MTAP: variants seen among roughly 807,000 people sequenced by gnomAD.
The protein encoded by MTAP is S-methyl-5'-thioadenosine phosphorylase.
Under a neutral mutation model 33.6 loss-of-function variants are expected in MTAP, and 33 were observed. The observed-to-expected ratio is 0.98, with a 90% CI of 0.74 to 1.31. MTAP has a LOEUF of 1.31. Among genes scored for constraint, MTAP ranks in the 40% most tolerant of loss-of-function variants. MTAP has a pLI of 0.00. For synonymous variants in MTAP, 148 were observed against 125.7 expected (o/e 1.18, Z -1.19); for missense variants, 367 against 360.0 (o/e 1.02, Z -0.16).
intron 1 of MTAP, among the ~76,000 whole-genome samples, chr9:21,872,195 C>A (rs1825947482): frequency 6.6e-6 from 1 of 152,152 alleles, no homozygotes; most frequent in Non-Finnish European, 1.5e-5. Context: ...CACCTGTAAT[C>A]CCAGCTACTC....
intron 4 of MTAP, among the ~76,000 whole-genome samples, chr9:21,836,000 C>A (rs1040338597): frequency 6.6e-6 from 1 of 152,078 alleles, no homozygotes; most frequent in South Asian, 2.1e-4. Flanking sequence ...TTGCTTCTCC[C>A]CCAGGGCTAC....
intron 1 of MTAP, among the ~76,000 whole-genome samples, chr9:21,898,870 A>G (rs1818340841): frequency 6.6e-6 from 1 of 152,306 alleles, no homozygotes; most frequent in African/African-American, 2.4e-5. Flanking sequence ...TGACCCAGCC[A>G]TCCCATTACT....
intron 4 of MTAP, among the ~76,000 whole-genome samples, chr9:21,837,480 G>A (rs1489779243): frequency 6.6e-6 from 1 of 152,196 alleles, no homozygotes; most frequent in East Asian, 1.9e-4. Flanking sequence ...GCTAATAGAG[G>A]AAGCAAGTTG....
At chr9:21,811,691 T>C (rs1824353415) in intron 1 of MTAP, 1 of 531,578 alleles carries the variant, frequency 1.9e-6, no homozygotes, top group Non-Finnish European at 3.9e-6. Context: ...CTGCTGGTAC[T>C]CAGACACCAG....
At chr9:21,880,512 T>A (rs1051792404) in intron 1 of MTAP, among the ~76,000 whole-genome samples, 12 of 152,096 alleles carry the variant, frequency 7.9e-5, no homozygotes, top group Admixed American at 7.9e-4. Flanking sequence ...ATCCTGTAGA[T>A]TCCACTAAAC....
Position 21,883,742 on chromosome 9 carries a change from C to T in MTAP, c.147+28872C>T, listed in dbSNP as rs192222150. 6.2e-4 allele frequency among the ~76,000 whole-genome samples: 93 copies of T among 150,824 alleles called. 1 individual carries two copies. The Middle Eastern group carries it at 0.01, about 17-fold the overall frequency. ...CCACAGGTGGTCTGGAGTTTCTGAG[C>T]AAACAATAGGGAACCCTCTAGTGTA... is the stretch of plus-strand genomic sequence containing the variant. On this transcript the variant is annotated intron_variant, in intron 1 of 1. Coordinates refer to the MTAP transcript ENST00000577563.
chr9:21,924,532 C>A (rs1818836679), intron 1 of MTAP, among the ~76,000 whole-genome samples: 1 of 152,220 alleles, frequency 6.6e-6, no homozygotes, highest in Non-Finnish European at 1.5e-5. Flanking sequence ...TAAGAAACAA[C>A]CCAGACCTTT....
In MTAP at chr9:21,818,317, C is replaced by CTTTTTTTTTTTTTTTTTTTTTTTTTT. The variant is rs35709813; in HGVS notation, c.347+117_347+142dup. 4 of 206,102 alleles carry CTTTTTTTTTTTTTTTTTTTTTTTTTT rather than the reference C, an allele frequency of 1.9e-5. 2 individuals carry two copies. Among genetic ancestry groups the CTTTTTTTTTTTTTTTTTTTTTTTTTT allele is most frequent in the Non-Finnish European group, 1.7e-5 (2 of 119,338 alleles). 12.8% of individuals were successfully genotyped at this position (206,102 alleles called of 1,614,324 possible). ...GAGGGCAGTGCCACAGACTCGCTTG[C>CTTTTTTTTTTTTTTTTTTTTTTTTTT]TTTTTTTTTTTTTTTTTTTTTTTTT... is the stretch of plus-strand genomic sequence containing the variant. On this transcript the variant is annotated intron_variant, in intron 4 of 7. Coordinates refer to ENST00000644715, the MANE Select transcript of MTAP (RefSeq NM_002451.4).
chr9:21,905,813 C>T (rs1035427829), intron 1 of MTAP, among the ~76,000 whole-genome samples: 2 of 152,112 alleles, frequency 1.3e-5, no homozygotes, highest in Non-Finnish European at 1.5e-5. Flanking sequence ...TACACAGAAC[C>T]AGATCATTTG....
At chr9:21,807,939 T>A (rs1824248657) in intron 1 of MTAP, among the ~76,000 whole-genome samples, 1 of 152,230 alleles carries the variant, frequency 6.6e-6, no homozygotes, top group Non-Finnish European at 1.5e-5. Flanking sequence ...ATGCAGTGGA[T>A]TCTGGATCCT....
chr9:21,901,230 A>G (rs1818388124), intron 1 of MTAP, among the ~76,000 whole-genome samples: 1 of 152,240 alleles, frequency 6.6e-6, no homozygotes, highest in South Asian at 2.1e-4. Context: ...AGACAACCTA[A>G]ATAAAGAGAG....
intron 5 of MTAP, among the ~76,000 whole-genome samples, chr9:21,850,911 C>T (rs781214183): frequency 1.3e-5 from 2 of 152,208 alleles, no homozygotes; most frequent in African/African-American, 4.8e-5. Context: ...TCCTTGCCAC[C>T]TGGACACTTT....
chr9:21,833,511 C>G (rs1449013896), intron 4 of MTAP, among the ~76,000 whole-genome samples: 1 of 152,200 alleles, frequency 6.6e-6, no homozygotes, highest in East Asian at 1.9e-4. Context: ...TGTTCCACTT[C>G]TTAGTCTGAT....
intron 1 of MTAP, among the ~76,000 whole-genome samples, chr9:21,899,446 A>AAAGG (rs1818352715): frequency 6.6e-6 from 1 of 151,730 alleles, no homozygotes; most frequent in South Asian, 2.1e-4. Flanking sequence ...GAAGGAAAGG[A>AAAGG]AAGGAAGGAA....
chr9:21,856,047 CTCT>C, intron 6 of MTAP: 1 of 459,674 alleles, frequency 2.2e-6, no homozygotes, highest in Non-Finnish European at 2.9e-6. Flanking sequence ...TAATGATTAC[CTCT>C]TGTCTCTTTT....
intron 7 of MTAP, chr9:21,859,994 A>C (rs1486819435): frequency 6.6e-6 from 1 of 152,208 alleles, no homozygotes; most frequent in African/African-American, 2.4e-5. Flanking sequence ...CTTCTTAACC[A>C]CATAGGGAAA....
chr9:21,852,957 T>G (rs534336845), intron 5 of MTAP, among the ~76,000 whole-genome samples: 2 of 152,166 alleles, frequency 1.3e-5, no homozygotes, highest in Non-Finnish European at 2.9e-5. Flanking sequence ...GTTCAGTGAT[T>G]ACACGAGGTA....
rs957617378 is a variant in MTAP, at chr9:21,911,036, G to T, written c.148-19972G>T. ...ACAAAGATCAAAAGAGACAAAGAAG[G>T]CCATTACATAATGGTAAAGGGATCA... On this transcript the variant is annotated intron_variant, in intron 1 of 1. Coordinates refer to the MTAP transcript ENST00000577563. Among the ~76,000 whole-genome samples the T allele has an allele frequency of 2.0e-5, 3 of 152,138 alleles. No homozygotes were observed. The East Asian group carries it at 5.8e-4, about 29-fold the overall frequency.
intron 1 of MTAP, among the ~76,000 whole-genome samples, chr9:21,807,171 T>C (rs1824228167): frequency 6.6e-6 from 1 of 152,038 alleles, no homozygotes; most frequent in African/African-American, 2.4e-5. Flanking sequence ...CTCAAAATAA[T>C]AATAATAATA....
Sources: gnomAD v4.1 joint callset for allele counts (sites outside exome capture counted in the v4.1 genomes callset) on GRCh38, gnomAD v4.1.1 for gene constraint, MANE v1.5 for transcripts, NCBI Gene and HGNC (gene_info 2026-07-23, HGNC 2026-07-21) for gene names.